Variants in MAP3K3 observed in about 807,000 individuals in gnomAD.
The protein encoded by MAP3K3 is mitogen-activated protein kinase kinase kinase 3, also known as MAP/ERK kinase kinase 3.
Under a neutral mutation model 80.9 loss-of-function variants are expected in MAP3K3, and 12 were observed. The observed-to-expected ratio is 0.15, with a 90% CI of 0.10 to 0.24. The LOEUF (loss-of-function observed/expected upper bound fraction) is 0.24. Among genes scored for constraint, MAP3K3 ranks in the 10% least tolerant of loss-of-function variants. The pLI is 1.00. For synonymous variants in MAP3K3, 272 were observed against 307.1 expected, an observed-to-expected ratio of 0.89 and a Z score of 1.19; for missense variants, 596 against 834.7, an observed-to-expected ratio of 0.71 and a Z score of 3.52.
rs138906251 is a variant in MAP3K3, at chr17:63,626,196, A to G, written c.4+3433A>G. 6.6e-3 allele frequency among the ~76,000 whole-genome samples: 1,008 copies of G among 152,318 alleles called. 8 individuals carry two copies. The highest frequency in any genetic ancestry group is 0.011 in the Non-Finnish European group (741 of 68,016). ...GATAAGATGAGGTTTTTCTGGTTCTATGGAAGCTGTTAATTTATTCTTTGC... is the reference window on the plus strand; with the variant it reads ...GATAAGATGAGGTTTTTCTGGTTCTGTGGAAGCTGTTAATTTATTCTTTGC... On this transcript the variant is annotated intron_variant, in intron 1 of 15. Transcript: ENST00000361733.
At chr17:63,628,382 C>T (rs1477683768) in intron 1 of MAP3K3, among the ~76,000 whole-genome samples, 5 of 140,164 alleles carry the variant, frequency 3.6e-5, no homozygotes, top group Non-Finnish European at 3.0e-5. Flanking sequence ...TTTTTTGAGA[C>T]GGAGTTTCGC....
chr17:63,690,631 C>CCTG, intron 12 of MAP3K3: 1 of 549,022 alleles, frequency 1.8e-6, no homozygotes, highest in Non-Finnish European at 3.2e-6. Context: ...AGGAACTAAG[C>CCTG]TGATGCCAAA....
intron 8 of MAP3K3, among the ~76,000 whole-genome samples, chr17:63,686,732 G>C (rs920610745): frequency 2.0e-5 from 3 of 152,150 alleles, no homozygotes; most frequent in Non-Finnish European, 2.9e-5. Context: ...AAATTTACCC[G>C]CCTCTCTATT....
Position 63,692,339 on chromosome 17 carries a change from G to T in MAP3K3, c.1572G>T (p.Met524Ile). Residue 524 changes from methionine to isoleucine, a missense_variant, in exon 15 of 16, where the codon ATG becomes ATT. By Grantham distance (10) the Met-to-Ile change is conservative. Around this residue, in one of 2 missense-constraint regions of MAP3K3, gnomAD observed 364 missense variants for 588.9 expected, o/e 0.62. Coordinates refer to ENST00000361733, the MANE Select transcript of MAP3K3 (RefSeq NM_002401.5). This position sits in a 1 kb window ranked among gnomAD's most constrained non-coding sequence, Gnocchi z 4.5. ...LQTICMSGTG[M>I]RSVTGTPYWM... ...CGATCTGTATGTCGGGGACGGGCAT[G>T]CGCTCCGTCACTGGCACACCCTACT... The T allele has an allele frequency of 6.2e-7, 1 of 1,613,950 alleles. No homozygotes were observed. Among genetic ancestry groups the T allele is most frequent in the South Asian group, 1.1e-5 (1 of 91,088 alleles).
chr17:63,648,678 G>A (rs1282731918), intron 3 of MAP3K3, among the ~76,000 whole-genome samples: 1 of 152,124 alleles, frequency 6.6e-6, no homozygotes, highest in African/African-American at 2.4e-5. Context: ...AGCCGGGCGT[G>A]GTGGCCGGCG....
At chr17:63,680,803 G>GT (rs145718559) in intron 6 of MAP3K3, among the ~76,000 whole-genome samples, 8,738 of 140,388 alleles carry the variant, frequency 0.062, 455 homozygotes, top group African/African-American at 0.14. Flanking sequence ...GGTGTTTTGG[G>GT]TTTTTTTTTT....
chr17:63,657,764 T>C, intron 4 of MAP3K3, 30 bp from the exon 5 acceptor site: 1 of 957,680 alleles, frequency 1.0e-6, no homozygotes, highest in Non-Finnish European at 1.6e-6. Flanking sequence ...TGTTTTATAT[T>C]ATTTTCCTTT....
chr17:63,652,778 A>T, intron 4 of MAP3K3, 122 bp downstream of exon 4: 2 of 629,722 alleles, frequency 3.2e-6, no homozygotes, highest in Non-Finnish European at 2.8e-6. Flanking sequence ...CATTTTCTAG[A>T]CCCCCTTTTC....
At chr17:63,626,020 C>G (rs1478004853) in intron 1 of MAP3K3, among the ~76,000 whole-genome samples, 4 of 152,140 alleles carry the variant, frequency 2.6e-5, no homozygotes, top group Admixed American at 2.6e-4. Context: ...CTGCAGTGAA[C>G]CATGATCGTG....
Position 63,691,923 on chromosome 17 carries a change from C to A in MAP3K3, c.1474+61C>A. ...CTGGGTTCAAGTCTACCATTGAGTG[C>A]CTGCAGGGGCCAATCACTTAACCAT... On this transcript the variant is annotated intron_variant, in intron 14 of 15. Transcript: ENST00000361733. This position sits in a 1 kb window ranked among gnomAD's most constrained non-coding sequence, Gnocchi z 4.8. The A allele has an allele frequency of 6.5e-7, 1 of 1,547,680 alleles. No individual in the cohort carries two copies.
At chr17:63,640,051 A>T (rs953726882) in intron 2 of MAP3K3, among the ~76,000 whole-genome samples, 3 of 152,134 alleles carry the variant, frequency 2.0e-5, no homozygotes, top group Non-Finnish European at 4.4e-5. Context: ...GAGGAAAAGG[A>T]AGGAAAGAAT....
At chr17:63,655,016 ACT>A (rs530599099) in intron 4 of MAP3K3, among the ~76,000 whole-genome samples, 3 of 151,624 alleles carry the variant, frequency 2.0e-5, no homozygotes, top group Non-Finnish European at 4.4e-5. Context: ...CAGAGTTGAG[ACT>A]CTGTCTCAAA....
intron 5 of MAP3K3, among the ~76,000 whole-genome samples, chr17:63,660,814 T>C (rs533308429): frequency 4.6e-5 from 7 of 152,238 alleles, no homozygotes; most frequent in African/African-American, 1.7e-4. Context: ...CAGGCTGGTC[T>C]TGAACTCCCG....
intron 4 of MAP3K3, among the ~76,000 whole-genome samples, chr17:63,654,102 C>A (rs949577797): frequency 6.6e-6 from 1 of 152,244 alleles, no homozygotes; most frequent in South Asian, 2.1e-4. Context: ...TTCCTGAGCT[C>A]AAGCGATCTG....
Position 63,689,531 on chromosome 17 carries a change from T to C in MAP3K3, c.872-13T>C. 6.2e-7 allele frequency: 1 copy of C among 1,608,910 alleles called. No individual in the cohort carries two copies. Among genetic ancestry groups the C allele is most frequent in the Non-Finnish European group, 8.5e-7 (1 of 1,177,220 alleles). On this transcript the variant is annotated splice_polypyrimidine_tract_variant and intron_variant, in intron 10 of 15. Coordinates refer to ENST00000361733, the MANE Select transcript of MAP3K3 (RefSeq NM_002401.5). The surrounding 1 kb of genome is among the most constrained non-coding windows in gnomAD (Gnocchi z 4.3). ...GTGTGACTTGCTCTCCTCTGGCCCT[T>C]GCACCCTTTCAGGCAGAAGAACATT...
At chr17:63,623,245 C>G (rs1277190723) in intron 1 of MAP3K3, among the ~76,000 whole-genome samples, 1 of 152,186 alleles carries the variant, frequency 6.6e-6, no homozygotes, top group Non-Finnish European at 1.5e-5. Flanking sequence ...GTGAGAGTTC[C>G]CGGGGCTTGC....
chr17:63,637,983 G>C (rs959930991), intron 2 of MAP3K3, among the ~76,000 whole-genome samples: 3 of 152,166 alleles, frequency 2.0e-5, no homozygotes, highest in African/African-American at 7.2e-5. Context: ...TGTTCCCCCA[G>C]CAGGGTCAGT....
chr17:63,679,209 C>T (rs2035280326), intron 6 of MAP3K3, among the ~76,000 whole-genome samples: 2 of 152,142 alleles, frequency 1.3e-5, no homozygotes, highest in South Asian at 4.1e-4. Flanking sequence ...GACCCTGTTC[C>T]TAAAAGTGCA....
At chr17:63,656,747 C>A (rs1237527662) in intron 4 of MAP3K3, among the ~76,000 whole-genome samples, 3 of 152,206 alleles carry the variant, frequency 2.0e-5, no homozygotes, top group Non-Finnish European at 4.4e-5. Context: ...TTTGTACCCT[C>A]AGGGACCTTC....
Sources: allele counts gnomAD v4.1 joint callset (sites outside exome capture counted in the v4.1 genomes callset), GRCh38; gene constraint gnomAD v4.1.1; regional missense constraint gnomAD v4.1.1; non-coding constraint Gnocchi (gnomAD v3.1); transcripts MANE v1.5; gene names NCBI Gene and HGNC (gene_info 2026-07-23, HGNC 2026-07-21).